ATP9B: variants seen among roughly 807,000 people sequenced by gnomAD.
ATP9B encodes ATPase phospholipid transporting 9B.
A neutral mutation model predicts 146.1 loss-of-function variants in ATP9B; 110 were observed. The observed-to-expected ratio is 0.75, with a 90% CI of 0.65 to 0.88. The LOEUF (loss-of-function observed/expected upper bound fraction) is 0.88, where lower values mean the gene tolerates loss of function less well. Among genes scored for constraint, ATP9B ranks in the 40% least tolerant of loss-of-function variants. ATP9B has a pLI of 0.00. For missense variants in ATP9B, 1,499 were observed against 1,496.4 expected (o/e 1.00, Z -0.03); for synonymous variants, 604 against 569.7 (o/e 1.06, Z -0.86).
intron 17 of ATP9B, among the ~76,000 whole-genome samples, chr18:79,335,827 C>T (rs147849532): frequency 6.6e-6 from 1 of 152,364 alleles, no homozygotes; most frequent in Non-Finnish European, 1.5e-5. Context: ...GAGCCCATTT[C>T]TATGAAGGAG....
chr18:79,180,546 T>G (rs1171564697), intron 8 of ATP9B, among the ~76,000 whole-genome samples: 1 of 151,174 alleles, frequency 6.6e-6, no homozygotes, highest in East Asian at 1.9e-4. Context: ...TGCATTACTG[T>G]TTTTTTTTGT....
chr18:79,229,237 C>A (rs770835754), intron 11 of ATP9B, among the ~76,000 whole-genome samples: 1 of 152,130 alleles, frequency 6.6e-6, no homozygotes, highest in Non-Finnish European at 1.5e-5. Context: ...ACTCTCCCAC[C>A]CCAACAAAAA....
chr18:79,329,969 A>G (rs374068557), intron 16 of ATP9B, 43 bp from the exon 17 acceptor site: 64 of 1,566,110 alleles, frequency 4.1e-5, no homozygotes, highest in Non-Finnish European at 5.5e-5. Context: ...GCCCCGAGCA[A>G]TGCAGCCTAA....
At chr18:79,356,766 C>G (rs1313128140) in intron 25 of ATP9B, among the ~76,000 whole-genome samples, 2 of 147,868 alleles carry the variant, frequency 1.4e-5, no homozygotes, top group African/African-American at 4.9e-5. Context: ...GTGGTTGCAG[C>G]TGCAGAGCAG....
chr18:79,260,383 A>T lies in ATP9B; in HGVS notation c.1268+6842A>T, dbSNP rs552035719. Among the ~76,000 whole-genome samples the T allele has an allele frequency of 7.3e-5, 11 of 151,164 alleles. No individual in the cohort carries two copies. The South Asian group carries it at 2.3e-3, about 32-fold the overall frequency. ...AGGAAACCGCCCCCATGATCCAGTC[A>T]CCCATCTCCCTCTACACACGGGGAG... On this transcript the variant is annotated intron_variant, in intron 12 of 29. Transcript: ENST00000426216.
intron 10 of ATP9B, among the ~76,000 whole-genome samples, chr18:79,212,289 A>C (rs1411587078): frequency 6.6e-6 from 1 of 152,246 alleles, no homozygotes; most frequent in Non-Finnish European, 1.5e-5. Context: ...GAGAGCCTTT[A>C]GCAAACTTTA....
chr18:79,129,503 C>A (rs184965543), intron 5 of ATP9B, among the ~76,000 whole-genome samples: 4 of 152,162 alleles, frequency 2.6e-5, no homozygotes, highest in South Asian at 4.1e-4. Context: ...CCTCCTCCCC[C>A]CTGCCCCTCC....
chr18:79,348,182 C>T lies in ATP9B; in HGVS notation c.2889C>T (p.Gly963=). The T allele has an allele frequency of 6.3e-7, 1 of 1,582,030 alleles. No individual in the cohort carries two copies. Among genetic ancestry groups the T allele is most frequent in the Non-Finnish European group, 8.6e-7 (1 of 1,162,504 alleles). ...FYFASVPLYQ[G]FLMVGYATIY... is the part of the protein sequence containing the mutation. ...TCGCATCCGTCCCTTTGTATCAGGG[C>T]TTCCTCATGGTGGGGTAAGTTACAC... is the stretch of plus-strand genomic sequence containing the variant. Residue 963 remains glycine, a synonymous_variant, in exon 25 of 30, where the codon GGC becomes GGT. Coordinates refer to ENST00000426216, the MANE Select transcript of ATP9B (RefSeq NM_198531.5).
intron 26 of ATP9B, among the ~76,000 whole-genome samples, chr18:79,370,803 A>G (rs1347768368): frequency 6.6e-6 from 1 of 152,230 alleles, no homozygotes; most frequent in Non-Finnish European, 1.5e-5. Context: ...TCTTCCACAT[A>G]GACACCAATC....
Position 79,358,931 on chromosome 18 carries a change from G to A in ATP9B, c.2904-423G>A. ...GCTGTGGGTCTGGAGGTGTCTGTGT[G>A]AGGGACCCTGTGTGAGGGGTGCTCT... On this transcript the variant is annotated intron_variant, in intron 25 of 29. Coordinates refer to ENST00000426216, the MANE Select transcript of ATP9B (RefSeq NM_198531.5). Among the ~76,000 whole-genome samples the A allele has an allele frequency of 1.3e-5, 2 of 150,408 alleles. 1 individual carries two copies. The highest frequency in any genetic ancestry group is 4.9e-5 in the African/African-American group (2 of 40,768).
At chr18:79,309,823 C>A (rs564743542) in intron 15 of ATP9B, among the ~76,000 whole-genome samples, 13 of 152,232 alleles carry the variant, frequency 8.5e-5, no homozygotes, top group African/African-American at 3.1e-4. Context: ...AATAGTGTCT[C>A]CATAAAGCTA....
intron 11 of ATP9B, among the ~76,000 whole-genome samples, chr18:79,221,225 A>T (rs1600604331): frequency 1.3e-5 from 2 of 151,764 alleles, no homozygotes; most frequent in South Asian, 4.2e-4. Flanking sequence ...ATGGGCCCTC[A>T]CCACCTCCAC....
At chr18:79,132,034 A>G (rs1429233833) in intron 5 of ATP9B, among the ~76,000 whole-genome samples, 1 of 152,260 alleles carries the variant, frequency 6.6e-6, no homozygotes, top group African/African-American at 2.4e-5. Context: ...GGGACTTGAT[A>G]GAGTTGGTCG....
chr18:79,340,149 C>G (rs1389975382), intron 19 of ATP9B: 1 of 152,162 alleles, frequency 6.6e-6, no homozygotes, highest in Non-Finnish European at 1.5e-5. Context: ...TTTTAGTGAA[C>G]TTCACCTCAG....
At chr18:79,113,476 G>T in intron 4 of ATP9B, 122 bp downstream of exon 4, 1 of 626,452 alleles carries the variant, frequency 1.6e-6, no homozygotes, top group South Asian at 2.4e-5. Context: ...AGTGTTCACT[G>T]AACTTCTGTT....
At chr18:79,275,515 G>T (rs992148890) in intron 12 of ATP9B, among the ~76,000 whole-genome samples, 1 of 152,234 alleles carries the variant, frequency 6.6e-6, no homozygotes, top group Non-Finnish European at 1.5e-5. Flanking sequence ...TTTCCTGCCT[G>T]TCAAACACTC....
intron 1 of ATP9B, among the ~76,000 whole-genome samples, chr18:79,090,584 G>A (rs947191481): frequency 3.9e-5 from 6 of 152,170 alleles, no homozygotes; most frequent in African/African-American, 4.8e-5. Flanking sequence ...TTTGAGAAAT[G>A]TCTATTCGGA....
At chr18:79,131,893 G>A (rs66479751) in intron 5 of ATP9B, among the ~76,000 whole-genome samples, 38,757 of 152,168 alleles carry the variant, frequency 0.25, 5,281 homozygotes, top group East Asian at 0.5. Context: ...ATCTATAGGA[G>A]ATATCCACAA....
At chr18:79,070,052 T>C (rs546989944) in intron 1 of ATP9B, among the ~76,000 whole-genome samples, 9 of 152,340 alleles carry the variant, frequency 5.9e-5, no homozygotes, top group African/African-American at 2.2e-4. Flanking sequence ...ACAAGTAATT[T>C]TGCTTTTACG....
Sources: gnomAD v4.1 joint callset for allele counts (sites outside exome capture counted in the v4.1 genomes callset) on GRCh38, gnomAD v4.1.1 for gene constraint, MANE v1.5 for transcripts, NCBI Gene and HGNC (gene_info 2026-07-23, HGNC 2026-07-21) for gene names.